The following ZC3H3 variants were observed in gnomAD, a reference collection of about 807,000 sequenced individuals.
The protein encoded by ZC3H3 is zinc finger CCCH-type containing 3, also known as zinc finger CCCH domain-containing protein 3.
ZC3H3 carries 36 observed loss-of-function variants against 77.3 expected under a neutral mutation model. That is an observed-to-expected ratio of 0.47 (90% CI 0.36 to 0.61). ZC3H3 has a LOEUF of 0.61. Ranked by LOEUF, ZC3H3 falls within the 20% of genes least tolerant of loss-of-function variation. ZC3H3 has a pLI of 0.00. For missense variants in ZC3H3, 1,331 were observed against 1,312.2 expected, an observed-to-expected ratio of 1.01 and a Z score of -0.22; for synonymous variants, 626 against 555.2, an observed-to-expected ratio of 1.13 and a Z score of -1.79.
At chr8:143,476,504 G>T (rs1297302320) in intron 4 of ZC3H3, among the ~76,000 whole-genome samples, 1 of 152,194 alleles carries the variant, frequency 6.6e-6, no homozygotes, top group African/African-American at 2.4e-5. Context: ...GCACTCCAGA[G>T]GCACCTCCCT....
intron 4 of ZC3H3, among the ~76,000 whole-genome samples, chr8:143,504,922 G>A (rs1012559482): frequency 2.0e-5 from 3 of 152,218 alleles, no homozygotes; most frequent in African/African-American, 7.2e-5. Context: ...GAACTCGCGG[G>A]TTTGCTTCAG....
chr8:143,530,453 C>A lies in ZC3H3; in HGVS notation c.1561+5804G>T, dbSNP rs891034694. On this transcript the variant is annotated intron_variant, in intron 3 of 11. Coordinates refer to ENST00000262577, the MANE Select transcript of ZC3H3 (RefSeq NM_015117.3). This position sits in a 1 kb window ranked among gnomAD's most constrained non-coding sequence, Gnocchi z 4.3. ...CTTTTCCCTGGCGTAAAATAGCAGA[C>A]GTTTCCATGTGGCTGGTAGGAATCC... Among the ~76,000 whole-genome samples, 2 of 152,152 alleles carry A rather than the reference C, an allele frequency of 1.3e-5. No homozygotes were observed. Among genetic ancestry groups the A allele is most frequent in the Admixed American group, 6.5e-5 (1 of 15,282 alleles).
chr8:143,475,658 C>A (rs1820713647), intron 4 of ZC3H3, 73 bp from the exon 5 acceptor site: 5 of 1,464,260 alleles, frequency 3.4e-6, no homozygotes, highest in African/African-American at 2.8e-5. Context: ...GTGCCAGGGG[C>A]CGAGCCCAGG....
At chr8:143,478,870 TA>T (rs975259943) in intron 4 of ZC3H3, among the ~76,000 whole-genome samples, 6 of 151,864 alleles carry the variant, frequency 4.0e-5, no homozygotes, top group Non-Finnish European at 8.8e-5. Context: ...TCTTCCCTCC[TA>T]AAAAAAACAC....
chr8:143,502,248 C>A (rs527248789), intron 4 of ZC3H3, among the ~76,000 whole-genome samples: 1 of 152,248 alleles, frequency 6.6e-6, no homozygotes, highest in Non-Finnish European at 1.5e-5. Flanking sequence ...CGGCCCCAGC[C>A]GACGAAGACA....
rs931376968 is a variant in ZC3H3, at chr8:143,494,558, G to A, written c.1715+13188C>T. Among the ~76,000 whole-genome samples, 2 of 152,178 alleles carry A rather than the reference G, an allele frequency of 1.3e-5. No individual in the cohort carries two copies. Among genetic ancestry groups the A allele is most frequent in the East Asian group, 1.9e-4 (1 of 5,184 alleles). On this transcript the variant is annotated intron_variant, in intron 4 of 11. Coordinates refer to ENST00000262577, the MANE Select transcript of ZC3H3 (RefSeq NM_015117.3). This position sits in a 1 kb window ranked among gnomAD's most constrained non-coding sequence, Gnocchi z 5.3. ...CAGGGCCTCAGAGCACAGCGGCGCC[G>A]GCAGAACCCAGAGCGAGGGCCAGCC...
Position 143,437,995 on chromosome 8 carries a change from G to C in ZC3H3, c.*61C>G, listed in dbSNP as rs928814311. On this transcript the variant is annotated 3_prime_UTR_variant, in exon 12 of 12. Coordinates refer to ENST00000262577, the MANE Select transcript of ZC3H3 (RefSeq NM_015117.3). The stretch of plus-strand genomic sequence containing the variant: ...CTCCTGTGGGGTAGAGTGGTGGACA[G>C]AGCCTCTTTCCTCTCCAAGGATGAG... The C allele has an allele frequency of 1.3e-6, 2 of 1,580,360 alleles. No individual in the cohort carries two copies. The highest frequency in any genetic ancestry group is 1.7e-6 in the Non-Finnish European group (2 of 1,163,190).
chr8:143,470,511 C>T (rs758726096), intron 5 of ZC3H3, among the ~76,000 whole-genome samples: 8 of 152,206 alleles, frequency 5.3e-5, no homozygotes, highest in African/African-American at 1.7e-4. Context: ...GGCACGGGCA[C>T]GCCCTCACAC....
chr8:143,473,797 T>C (rs1820646785), intron 5 of ZC3H3, among the ~76,000 whole-genome samples: 2 of 152,194 alleles, frequency 1.3e-5, no homozygotes, highest in Non-Finnish European at 2.9e-5. Flanking sequence ...TCAGGGTCCC[T>C]GTTGGCTCAC....
chr8:143,493,333 AG>A lies in ZC3H3; in HGVS notation c.1715+14412del, dbSNP rs987786595. On this transcript the variant is annotated intron_variant, in intron 4 of 11. Transcript: ENST00000262577. The surrounding 1 kb of genome is among the most constrained non-coding windows in gnomAD (Gnocchi z 4.8). ...TCCCTTTGTCCGGAAAAAGTCCCAG[AG>A]GATCAGCGGTGTCCCTCAGGGACAT... Among the ~76,000 whole-genome samples the A allele has an allele frequency of 2.0e-5, 3 of 152,218 alleles. No individual in the cohort carries two copies. The highest frequency in any genetic ancestry group is 4.4e-5 in the Non-Finnish European group (3 of 68,026).
chr8:143,457,548 T>A (rs921030212), intron 9 of ZC3H3, among the ~76,000 whole-genome samples: 1 of 143,040 alleles, frequency 7.0e-6, no homozygotes, highest in Non-Finnish European at 1.5e-5. Context: ...CTGGGCAACA[T>A]AGCGAGACCT....
intron 3 of ZC3H3, among the ~76,000 whole-genome samples, chr8:143,510,507 G>A (rs148520947): frequency 0.015 from 2,350 of 152,352 alleles, 27 homozygotes; most frequent in Non-Finnish European, 0.022. Context: ...GGCACCCAGC[G>A]ACTGGCAGGA....
rs549105854 is a variant in ZC3H3, at chr8:143,534,538, T to C, written c.1561+1719A>G. On this transcript the variant is annotated intron_variant, in intron 3 of 11. Transcript: ENST00000262577. Reference sequence around the variant, plus strand: ...CAGGCCAGGTGAGCAGGGCTGAACCTGCACCCAGTGGGGAGCCTCTCACCC... The same window carrying C: ...CAGGCCAGGTGAGCAGGGCTGAACCCGCACCCAGTGGGGAGCCTCTCACCC... Among the ~76,000 whole-genome samples, 4 of 152,262 alleles carry C rather than the reference T, an allele frequency of 2.6e-5. No homozygotes were observed. The East Asian group carries it at 7.8e-4, about 30-fold the overall frequency.
intron 9 of ZC3H3, among the ~76,000 whole-genome samples, chr8:143,455,978 CAAAAAAAAAAAAAAAA>C (rs58754874): frequency 2.4e-5 from 1 of 40,918 alleles, no homozygotes; most frequent in Non-Finnish European, 4.5e-5. Flanking sequence ...GACTCTGTCT[CAAAAAAAAAAAAAAAA>C]AAAAAAAAGA....
intron 9 of ZC3H3, among the ~76,000 whole-genome samples, chr8:143,461,858 C>G (rs1293082588): frequency 6.6e-6 from 1 of 151,914 alleles, no homozygotes; most frequent in Admixed American, 6.6e-5. Context: ...GCGATGAAAA[C>G]AACTGAAAGC....
At position 143,530,139 on chromosome 8, in the gene ZC3H3, C is replaced by G. The variant is rs908018655; in HGVS notation, c.1561+6118G>C. ...TGGCTCCTGTCAAAGCCTGGGCAGC[C>G]GGCAGGCCTCGACCCAGCCTGGTTG... On this transcript the variant is annotated intron_variant, in intron 3 of 11. Transcript: ENST00000262577. The surrounding 1 kb of genome is among the most constrained non-coding windows in gnomAD (Gnocchi z 4.3). Among the ~76,000 whole-genome samples, 1 of 152,112 alleles carries G rather than the reference C, an allele frequency of 6.6e-6. No individual in the cohort carries two copies. Among genetic ancestry groups the G allele is most frequent in the African/African-American group, 2.4e-5 (1 of 41,404 alleles).
At chr8:143,448,242 G>A (rs1446232460) in intron 9 of ZC3H3, among the ~76,000 whole-genome samples, 1 of 152,026 alleles carries the variant, frequency 6.6e-6, no homozygotes, top group Non-Finnish European at 1.5e-5. Context: ...GGAGGCAGAG[G>A]TTGCGGTGAG....
intron 9 of ZC3H3, among the ~76,000 whole-genome samples, chr8:143,447,276 G>A (rs949571866): frequency 3.3e-5 from 5 of 152,186 alleles, no homozygotes; most frequent in African/African-American, 1.2e-4. Context: ...CAGCAGAGTT[G>A]CCAGCTTCCT....
At chr8:143,470,555 C>T (rs933844300) in intron 5 of ZC3H3, among the ~76,000 whole-genome samples, 2 of 152,200 alleles carry the variant, frequency 1.3e-5, no homozygotes, top group Admixed American at 1.3e-4. Context: ...CGCGGCAATG[C>T]GGCGGTCTGT....
Sources: gnomAD v4.1 joint callset for allele counts (sites outside exome capture counted in the v4.1 genomes callset) on GRCh38, gnomAD v4.1.1 for gene constraint, Gnocchi (gnomAD v3.1) non-coding constraint, MANE v1.5 for transcripts, NCBI Gene and HGNC (gene_info 2026-07-23, HGNC 2026-07-21) for gene names.